The following LRRC9 variants were observed in gnomAD, a reference collection of about 807,000 sequenced individuals.
LRRC9 encodes leucine rich repeat containing 9.
A neutral mutation model predicts 63.2 loss-of-function variants in LRRC9; 122 were observed. The ratio of observed to expected loss-of-function variants is 1.93; its 90% CI spans 1.67 to 2.24. The LOEUF (loss-of-function observed/expected upper bound fraction) is 2.24, where lower values mean the gene tolerates loss of function less well. LRRC9 is among the 30% of genes most tolerant of loss of function. LRRC9 has a pLI of 0.00. For missense variants in LRRC9, 1,071 were observed against 627.7 expected (o/e 1.71, Z -7.55); for synonymous variants, 366 against 213.1 (o/e 1.72, Z -6.25).
At chr14:59,976,506 T>C (rs1304553205) in intron 13 of LRRC9, among the ~76,000 whole-genome samples, 1 of 152,162 alleles carries the variant, frequency 6.6e-6, no homozygotes, top group African/African-American at 2.4e-5. Flanking sequence ...TTAATAATAA[T>C]TATAAAATTA....
chr14:59,924,767 G>T (rs1217709644), intron 1 of LRRC9, among the ~76,000 whole-genome samples: 1 of 152,084 alleles, frequency 6.6e-6, no homozygotes, highest in African/African-American at 2.4e-5. Flanking sequence ...GATAGCACAT[G>T]ATTTGGCCCT....
intron 17 of LRRC9, among the ~76,000 whole-genome samples, chr14:59,992,062 C>G (rs1046496065): frequency 6.6e-6 from 1 of 152,178 alleles, no homozygotes; most frequent in African/African-American, 2.4e-5. Flanking sequence ...AGGCACCCCC[C>G]AGTAAGGGCA....
In LRRC9 at chr14:59,922,320, GT is replaced by G. The variant is rs1888857151; in HGVS notation, c.-34+2439del. 6.6e-6 allele frequency among the ~76,000 whole-genome samples: 1 copy of G among 152,110 alleles called. No individual in the cohort carries two copies. The highest frequency in any genetic ancestry group is 1.5e-5 in the Non-Finnish European group (1 of 68,006). On this transcript the variant is annotated intron_variant, in intron 1 of 31. Transcript: ENST00000445360. This position sits in a 1 kb window ranked among gnomAD's most constrained non-coding sequence, Gnocchi z 5.3. Reference sequence around the variant, plus strand: ...TTTTGACCTTGTAGTGGCTTGAGGTGTTCTCAGTCCAGATGGCAGTGAATCC... The same window carrying G: ...TTTTGACCTTGTAGTGGCTTGAGGTGTCTCAGTCCAGATGGCAGTGAATCC...
chr14:59,935,652 A>G (rs1230212445), intron 6 of LRRC9, among the ~76,000 whole-genome samples: 4 of 152,210 alleles, frequency 2.6e-5, no homozygotes, highest in African/African-American at 9.6e-5. Context: ...TATAAAAGGG[A>G]GACCTAGCCT....
chr14:60,000,820 T>C (rs1334743781), intron 19 of LRRC9, among the ~76,000 whole-genome samples: 1 of 152,066 alleles, frequency 6.6e-6, no homozygotes, highest in Non-Finnish European at 1.5e-5. Flanking sequence ...ACAAGCTACA[T>C]ACTGGGAAAA....
chr14:59,957,814 G>A (rs1253059715), intron 8 of LRRC9, among the ~76,000 whole-genome samples: 1 of 152,186 alleles, frequency 6.6e-6, no homozygotes, highest in Non-Finnish European at 1.5e-5. Flanking sequence ...ATGGGGTTTT[G>A]TGTGGGGGTC....
rs115180220 is a variant in LRRC9 at position 59,976,063 on chromosome 14, G to T, written c.1640-1162G>T. Among the ~76,000 whole-genome samples, 1,076 of 152,378 alleles carry T rather than the reference G, an allele frequency of 7.1e-3. 9 individuals carry two copies. The highest frequency in any genetic ancestry group is 0.024 in the African/African-American group (1,009 of 41,594). ...GCGAACCCTATTGTGAACCGCACATGCGAGGGATCTGGGTTGTGCGCTCCT... is the reference window on the plus strand; with the variant it reads ...GCGAACCCTATTGTGAACCGCACATTCGAGGGATCTGGGTTGTGCGCTCCT... On this transcript the variant is annotated intron_variant, in intron 13 of 31. Transcript: ENST00000445360.
chr14:59,997,473 T>C (rs1640369380), intron 17 of LRRC9, among the ~76,000 whole-genome samples, 183 bp from the exon 18 acceptor site: 1 of 152,146 alleles, frequency 6.6e-6, no homozygotes, highest in African/African-American at 2.4e-5. Flanking sequence ...TACTAAAACA[T>C]AATACCTGTA....
At chr14:60,046,626 G>A (rs969788608) in intron 29 of LRRC9, among the ~76,000 whole-genome samples, 2 of 152,144 alleles carry the variant, frequency 1.3e-5, no homozygotes, top group African/African-American at 4.8e-5. Flanking sequence ...TATTCCATTG[G>A]TCTATGTGTC....
rs982066536 is a variant in LRRC9, at chr14:59,998,297, G to T, written c.2403+450G>T. 4.0e-5 allele frequency among the ~76,000 whole-genome samples: 6 copies of T among 151,842 alleles called. No homozygotes were observed. The East Asian group carries it at 1.2e-3, about 29-fold the overall frequency. ...ACAACATGTTTTACAATTTTATTTT[G>T]CATTTTGCATTATTCACTACTTGTT... On this transcript the variant is annotated intron_variant, in intron 18 of 31. Coordinates refer to ENST00000445360, the Ensembl canonical transcript of LRRC9.
intron 29 of LRRC9, 60 bp downstream of exon 29, chr14:60,032,123 T>C (rs1766597507): frequency 1.5e-6 from 1 of 665,826 alleles, no homozygotes; most frequent in African/African-American, 1.8e-5. Flanking sequence ...TAAAATTTAT[T>C]TTTATATGGT....
rs970814064 is a variant in LRRC9 at position 59,962,525 on chromosome 14, T to C, written c.1211+1480T>C. Among the ~76,000 whole-genome samples, 9 of 151,978 alleles carry C rather than the reference T, an allele frequency of 5.9e-5. No individual in the cohort carries two copies. The highest frequency in any genetic ancestry group is 5.2e-4 in the Admixed American group (8 of 15,258). ...TTCAAGCGATTCTCCTGCCTCAGAC[T>C]CCCGAGTAGCTAAGATTATAGGTGC... On this transcript the variant is annotated intron_variant, in intron 10 of 31. Coordinates refer to ENST00000445360, the Ensembl canonical transcript of LRRC9. This position sits in a 1 kb window ranked among gnomAD's most constrained non-coding sequence, Gnocchi z 5.1.
Position 59,966,799 on chromosome 14 carries a change from C to A in LRRC9, c.1388+34C>A. 1.8e-6 allele frequency: 1 copy of A among 566,762 alleles called. No homozygotes were observed. The highest frequency in any genetic ancestry group is 3.2e-6 in the Non-Finnish European group (1 of 315,496). The allele number at this position is 566,762 out of a possible 1,614,324, so 35.1% of individuals were successfully genotyped here. On this transcript the variant is annotated intron_variant, in intron 11 of 31. Transcript: ENST00000445360. The surrounding 1 kb of genome is among the most constrained non-coding windows in gnomAD (Gnocchi z 4.0). ...CTGAATTCTTTATGGAACAACTTTACAAAAGTGTGACTGTATTTGTAAAAT... is the reference window on the plus strand; with the variant it reads ...CTGAATTCTTTATGGAACAACTTTAAAAAAGTGTGACTGTATTTGTAAAAT...
intron 29 of LRRC9, among the ~76,000 whole-genome samples, chr14:60,043,353 G>C (rs572423698): frequency 6.6e-6 from 1 of 152,218 alleles, no homozygotes; most frequent in East Asian, 1.9e-4. Context: ...CAGTAAAAGT[G>C]GGCATTCTTG....
At chr14:59,997,126 T>C (rs758684695) in intron 17 of LRRC9, among the ~76,000 whole-genome samples, 11 of 152,126 alleles carry the variant, frequency 7.2e-5, no homozygotes, top group Non-Finnish European at 1.2e-4. Context: ...ATATGTTTTC[T>C]ATTTTTTCTT....
intron 29 of LRRC9, among the ~76,000 whole-genome samples, chr14:60,038,632 G>C (rs1327106278): frequency 2.0e-5 from 3 of 152,194 alleles, no homozygotes; most frequent in African/African-American, 7.2e-5. Flanking sequence ...CTGCGACTTT[G>C]CTGAAGTTGC....
At chr14:60,019,162 C>T in exon 26 of LRRC9, 1 of 699,366 alleles carries the variant, frequency 1.4e-6, no homozygotes, top group Non-Finnish European at 2.6e-6. Context: ...CAATCATGCC[C>T]AGACTAAAGC....
chr14:60,057,942 T>C (rs915981824), exon 31 of LRRC9: 39 of 692,654 alleles, frequency 5.6e-5, no homozygotes, highest in Non-Finnish European at 9.8e-5. Context: ...ACTCCTCCCA[T>C]AGAGATAACA....
chr14:60,032,127 A>G, intron 29 of LRRC9, 64 bp downstream of exon 29: 1 of 664,562 alleles, frequency 1.5e-6, no homozygotes. Context: ...ATTTATTTTT[A>G]TATGGTATTA....
Sources: gnomAD v4.1 joint callset for allele counts (sites outside exome capture counted in the v4.1 genomes callset) on GRCh38, gnomAD v4.1.1 for gene constraint, Gnocchi (gnomAD v3.1) non-coding constraint, MANE v1.5 for transcripts, NCBI Gene and HGNC (gene_info 2026-07-23, HGNC 2026-07-21) for gene names.